WWOX: variants seen among roughly 807,000 people sequenced by gnomAD.
WWOX encodes WW domain containing oxidoreductase.
A neutral mutation model predicts 46.2 loss-of-function variants in WWOX; 69 were observed. That is an observed-to-expected ratio of 1.49 (90% CI 1.23 to 1.82). The LOEUF (loss-of-function observed/expected upper bound fraction) is 1.82. Among genes scored for constraint, WWOX ranks in the 40% most tolerant of loss-of-function variants. The pLI is 0.00. For missense variants in WWOX, 919 were observed against 542.6 expected, an observed-to-expected ratio of 1.69 and a Z score of -6.89; for synonymous variants, 359 against 202.6, an observed-to-expected ratio of 1.77 and a Z score of -6.56.
chr16:78,237,815 A>G (rs1309643365), intron 5 of WWOX: 2 of 152,212 alleles, frequency 1.3e-5, no homozygotes, highest in South Asian at 2.1e-4. Flanking sequence ...CTCTCCTGTT[A>G]TGTAAATACC....
chr16:78,331,254 TACTA>T lies in WWOX; in HGVS notation c.517-55604_517-55601del, dbSNP rs530545845. 7.9e-5 allele frequency among the ~76,000 whole-genome samples: 12 copies of T among 152,340 alleles called. No homozygotes were observed. In the South Asian group the frequency reaches 2.5e-3, roughly 32 times the overall value. ...TCATGCTTGCGTTTCTTGCATTTGTTACTAAATAAAATATTTAGAAGTCACGTCG... is the reference window on the plus strand; with the variant it reads ...TCATGCTTGCGTTTCTTGCATTTGTTAATAAAATATTTAGAAGTCACGTCG... On this transcript the variant is annotated intron_variant, in intron 5 of 8. Coordinates refer to ENST00000566780, the MANE Select transcript of WWOX (RefSeq NM_016373.4).
chr16:78,760,909 G>A (rs974676675), intron 8 of WWOX, among the ~76,000 whole-genome samples: 3 of 152,292 alleles, frequency 2.0e-5, no homozygotes, highest in East Asian at 1.9e-4. Flanking sequence ...CGCATCTCAC[G>A]TGGTGGCAGA....
At chr16:78,472,809 C>CAA (rs756666392) in intron 8 of WWOX, among the ~76,000 whole-genome samples, 532 of 50,746 alleles carry the variant, frequency 0.01, 21 homozygotes, top group South Asian at 0.012. Flanking sequence ...AACTCCATCT[C>CAA]AAAAAAAAAA....
At chr16:78,385,026 C>T (rs140557054) in intron 5 of WWOX, among the ~76,000 whole-genome samples, 4,960 of 151,964 alleles carry the variant, frequency 0.033, 263 homozygotes, top group African/African-American at 0.11. Flanking sequence ...CCCAGCTAGT[C>T]GGGAGGCTGA....
intron 8 of WWOX, among the ~76,000 whole-genome samples, chr16:78,675,452 C>G (rs2047573129): frequency 6.6e-6 from 1 of 152,126 alleles, no homozygotes; most frequent in African/African-American, 2.4e-5. Context: ...ATTTATTTAA[C>G]AAATACTTTT....
At chr16:78,455,293 T>C (rs1345075138) in intron 8 of WWOX, among the ~76,000 whole-genome samples, 1 of 143,320 alleles carries the variant, frequency 7.0e-6, no homozygotes, top group African/African-American at 2.9e-5. Flanking sequence ...GACAAAGTTA[T>C]GGGGGTGCTA....
Position 78,221,572 on chromosome 16 carries a change from G to A in WWOX, c.516+57283G>A, listed in dbSNP as rs1282244457. ...TGAGCAAAATAAGGGAAGAAAAAGA[G>A]AAGTAGATAAGAAAAACAAATCACA... is the stretch of plus-strand genomic sequence containing the variant. On this transcript the variant is annotated intron_variant, in intron 5 of 8. Coordinates refer to ENST00000566780, the MANE Select transcript of WWOX (RefSeq NM_016373.4). Among the ~76,000 whole-genome samples the A allele has an allele frequency of 2.6e-5, 4 of 152,300 alleles. No homozygotes were observed. In the East Asian group the frequency reaches 7.7e-4, roughly 29 times the overall value.
At chr16:79,144,827 A>T (rs925367893) in intron 8 of WWOX, among the ~76,000 whole-genome samples, 1 of 152,208 alleles carries the variant, frequency 6.6e-6, no homozygotes, top group Non-Finnish European at 1.5e-5. Context: ...GACCACATTT[A>T]TGTAACTTTT....
intron 8 of WWOX, among the ~76,000 whole-genome samples, chr16:79,079,814 A>G (rs1239684625): frequency 2.6e-5 from 4 of 152,216 alleles, no homozygotes; most frequent in Non-Finnish European, 4.4e-5. Flanking sequence ...TAAAGGAGAG[A>G]GGGTTGGACA....
At chr16:79,127,619 A>G (rs533491886) in intron 8 of WWOX, among the ~76,000 whole-genome samples, 1 of 152,218 alleles carries the variant, frequency 6.6e-6, no homozygotes, top group South Asian at 2.1e-4. Context: ...TATTTGCAGG[A>G]TTGAGTCTTA....
chr16:78,796,070 T>G (rs1017500846), intron 8 of WWOX, among the ~76,000 whole-genome samples: 2 of 152,354 alleles, frequency 1.3e-5, no homozygotes, highest in South Asian at 4.1e-4. Flanking sequence ...ATAAATACTT[T>G]AGACTGGCTA....
chr16:78,216,975 G>C (rs2036743226), intron 5 of WWOX, among the ~76,000 whole-genome samples: 1 of 152,130 alleles, frequency 6.6e-6, no homozygotes, highest in Admixed American at 6.5e-5. Context: ...TGCCTGCCTT[G>C]GCCTCCTAAA....
At chr16:78,719,517 A>G (rs540829772) in intron 8 of WWOX, among the ~76,000 whole-genome samples, 1 of 152,352 alleles carries the variant, frequency 6.6e-6, no homozygotes, top group South Asian at 2.1e-4. Flanking sequence ...TGAAATGCGA[A>G]TAAATAGGAG....
At chr16:78,440,336 T>A (rs2083416742) in intron 8 of WWOX, among the ~76,000 whole-genome samples, 1 of 152,154 alleles carries the variant, frequency 6.6e-6, no homozygotes, top group Admixed American at 6.5e-5. Flanking sequence ...CCTTAGGGTT[T>A]TGAAACATGT....
At chr16:78,940,136 T>A (rs1445714609) in intron 8 of WWOX, among the ~76,000 whole-genome samples, 3 of 152,212 alleles carry the variant, frequency 2.0e-5, no homozygotes, top group Non-Finnish European at 4.4e-5. Context: ...GGGACAATAA[T>A]ATATTTTTTC....
chr16:78,337,179 C>G (rs977770180), intron 5 of WWOX, among the ~76,000 whole-genome samples: 4 of 152,134 alleles, frequency 2.6e-5, no homozygotes, highest in African/African-American at 9.7e-5. Context: ...CAGTTTATAA[C>G]CTGTGTAAGA....
chr16:78,932,015 T>C (rs1470814789), intron 8 of WWOX, among the ~76,000 whole-genome samples: 2 of 152,260 alleles, frequency 1.3e-5, no homozygotes, highest in Non-Finnish European at 2.9e-5. Flanking sequence ...TTGCTCCACA[T>C]TGGCCTTCTG....
intron 8 of WWOX, among the ~76,000 whole-genome samples, chr16:78,805,206 C>T (rs570958707): frequency 6.6e-5 from 10 of 152,254 alleles, no homozygotes; most frequent in South Asian, 2.1e-4. Flanking sequence ...TGAGAGAGAC[C>T]TGATGAGTTC....
In WWOX at chr16:78,973,624, A is replaced by G. The variant is rs533607326; in HGVS notation, c.1057-237984A>G. ...CTCAAACTGTAGGAGGACCAACTTCAGGGTTTTATTTTGTTTGCTTTGCTT... is the reference window on the plus strand; with the variant it reads ...CTCAAACTGTAGGAGGACCAACTTCGGGGTTTTATTTTGTTTGCTTTGCTT... On this transcript the variant is annotated intron_variant, in intron 8 of 8. Coordinates refer to ENST00000566780, the MANE Select transcript of WWOX (RefSeq NM_016373.4). Among the ~76,000 whole-genome samples, 11 of 152,140 alleles carry G rather than the reference A, an allele frequency of 7.2e-5. No homozygotes were observed. In the South Asian group the frequency reaches 2.3e-3, roughly 32 times the overall value.
Sources: gnomAD v4.1 joint callset for allele counts (sites outside exome capture counted in the v4.1 genomes callset) on GRCh38, gnomAD v4.1.1 for gene constraint, MANE v1.5 for transcripts, NCBI Gene and HGNC (gene_info 2026-07-23, HGNC 2026-07-21) for gene names.